AUTS2: variants seen among roughly 807,000 people sequenced by gnomAD.
AUTS2 encodes autism susceptibility gene 2 protein.
In AUTS2, 17 loss-of-function variants were observed where a neutral mutation model predicts 112.4. The observed-to-expected ratio is 0.15, with a 90% CI of 0.10 to 0.23. The LOEUF is 0.23. AUTS2 is among the 10% of genes least tolerant of loss of function. The pLI, the probability that AUTS2 is intolerant of heterozygous loss-of-function variation, is 1.00. For synonymous variants in AUTS2, 751 were observed against 702.7 expected, an observed-to-expected ratio of 1.07 and a Z score of -1.09; for missense variants, 1,510 against 1,701.6, an observed-to-expected ratio of 0.89 and a Z score of 1.98.
In AUTS2 at chr7:70,763,350, C is replaced by A. The variant is rs1563180797; in HGVS notation, c.1214+9C>A. The A allele has an allele frequency of 2.0e-6, 3 of 1,535,704 alleles. No individual in the cohort carries two copies. The highest frequency in any genetic ancestry group is 2.6e-6 in the Non-Finnish European group (3 of 1,138,854). ...AGCCTCAACAGTTTAAGGTGAGTGGCCTGCTCTTCTTTGGCCTGACTTTTG... is the reference window on the plus strand; with the variant it reads ...AGCCTCAACAGTTTAAGGTGAGTGGACTGCTCTTCTTTGGCCTGACTTTTG... On this transcript the variant is annotated intron_variant, in intron 7 of 18. Transcript: ENST00000342771.
chr7:70,318,566 AG>A (rs1385599390), intron 4 of AUTS2, among the ~76,000 whole-genome samples: 3 of 152,174 alleles, frequency 2.0e-5, no homozygotes, highest in African/African-American at 7.2e-5. Flanking sequence ...AGATTGGGTA[AG>A]TCTTTCAGAC....
intron 5 of AUTS2, among the ~76,000 whole-genome samples, chr7:70,629,339 G>A (rs377335994): frequency 2.6e-5 from 4 of 152,178 alleles, no homozygotes; most frequent in Admixed American, 1.3e-4. Context: ...AGGCGTGGTG[G>A]CAGGCATCTG....
chr7:70,468,700 G>A (rs768042384), intron 5 of AUTS2, among the ~76,000 whole-genome samples: 3 of 152,140 alleles, frequency 2.0e-5, no homozygotes, highest in South Asian at 2.1e-4. Context: ...TCCTAGACCC[G>A]GTCAGCATGG....
intron 5 of AUTS2, among the ~76,000 whole-genome samples, chr7:70,686,924 C>G (rs1808501697): frequency 6.6e-6 from 1 of 152,210 alleles, no homozygotes; most frequent in African/African-American, 2.4e-5. Flanking sequence ...TTCTTTTCCG[C>G]TGAACACATT....
At chr7:70,619,314 G>A (rs560138595) in intron 5 of AUTS2, among the ~76,000 whole-genome samples, 148 of 152,280 alleles carry the variant, frequency 9.7e-4, no homozygotes, top group African/African-American at 3.2e-3. Flanking sequence ...GACGGGGCGC[G>A]GGAGGATGCT....
chr7:70,323,377 G>A (rs1023858944), intron 4 of AUTS2, among the ~76,000 whole-genome samples: 5 of 152,166 alleles, frequency 3.3e-5, no homozygotes, highest in African/African-American at 1.2e-4. Context: ...TTGTGGCCCA[G>A]TGTACGCCTT....
chr7:70,127,132 G>A (rs921377207), intron 3 of AUTS2, among the ~76,000 whole-genome samples: 2 of 150,994 alleles, frequency 1.3e-5, no homozygotes, highest in African/African-American at 2.4e-5. Context: ...GGCCTTGTTC[G>A]CACTTTCAAA....
intron 2 of AUTS2, among the ~76,000 whole-genome samples, chr7:69,928,407 C>T (rs758523142): frequency 5.9e-5 from 9 of 152,198 alleles, no homozygotes; most frequent in African/African-American, 1.4e-4. Flanking sequence ...GCCTTGGGAC[C>T]TGTCTGCCTC....
intron 5 of AUTS2, among the ~76,000 whole-genome samples, chr7:70,460,745 G>A (rs887239813): frequency 5.9e-5 from 9 of 152,062 alleles, no homozygotes; most frequent in Admixed American, 5.2e-4. Context: ...AATTTACTTC[G>A]AATGTCTCTG....
At chr7:70,097,349 TG>T (rs1804259152) in intron 2 of AUTS2, among the ~76,000 whole-genome samples, 1 of 152,326 alleles carries the variant, frequency 6.6e-6, no homozygotes. Flanking sequence ...CTGCTCTTAC[TG>T]GTGGGTGACA....
At chr7:69,884,932 G>A (rs1223492649) in intron 1 of AUTS2, among the ~76,000 whole-genome samples, 2 of 152,168 alleles carry the variant, frequency 1.3e-5, no homozygotes. Context: ...GCACTTTTCT[G>A]TGTCTCTGAA....
intron 1 of AUTS2, among the ~76,000 whole-genome samples, chr7:69,760,028 A>G (rs1788111016): frequency 6.6e-6 from 1 of 151,478 alleles, no homozygotes; most frequent in Admixed American, 6.6e-5. Context: ...ATGAAAAACC[A>G]TTTTTTTCCA....
intron 1 of AUTS2, among the ~76,000 whole-genome samples, chr7:69,847,741 G>A (rs377143895): frequency 4.6e-5 from 7 of 152,302 alleles, no homozygotes; most frequent in East Asian, 1.9e-4. Context: ...ACACTTGAAC[G>A]TGAGAGCGAG....
chr7:70,693,566 C>T (rs774752219), intron 5 of AUTS2, among the ~76,000 whole-genome samples: 1 of 152,228 alleles, frequency 6.6e-6, no homozygotes, highest in Non-Finnish European at 1.5e-5. Context: ...ACCTTTGTGT[C>T]TGAGACCCAG....
chr7:69,786,567 T>C (rs1315371881), intron 1 of AUTS2, among the ~76,000 whole-genome samples: 2 of 152,216 alleles, frequency 1.3e-5, no homozygotes, highest in Admixed American at 1.3e-4. Flanking sequence ...ATCTTGCTGC[T>C]ACTCACTCTT....
chr7:70,676,440 A>AAGAGAG (rs144253423), intron 5 of AUTS2, among the ~76,000 whole-genome samples: 20 of 150,302 alleles, frequency 1.3e-4, no homozygotes, highest in African/African-American at 4.7e-4. Context: ...TCAAAAAATA[A>AAGAGAG]AGAGAGAGAG....
chr7:69,714,925 T>C (rs1584120279), intron 1 of AUTS2, among the ~76,000 whole-genome samples: 1 of 151,870 alleles, frequency 6.6e-6, no homozygotes, highest in East Asian at 1.9e-4. Flanking sequence ...ATATATTATG[T>C]TTACTCTTTT....
chr7:69,855,126 T>C (rs1046248239), intron 1 of AUTS2, among the ~76,000 whole-genome samples: 11 of 152,084 alleles, frequency 7.2e-5, no homozygotes, highest in African/African-American at 2.7e-4. Flanking sequence ...AAAGAAAGGG[T>C]CTTGTCTATA....
intron 1 of AUTS2, among the ~76,000 whole-genome samples, chr7:69,705,228 A>G (rs138725363): frequency 3.3e-5 from 5 of 152,232 alleles, no homozygotes; most frequent in African/African-American, 9.6e-5. Flanking sequence ...TTGGAAATGT[A>G]TAGGTGTTAG....
Sources: allele counts gnomAD v4.1 joint callset (sites outside exome capture counted in the v4.1 genomes callset), GRCh38; gene constraint gnomAD v4.1.1; transcripts MANE v1.5; gene names NCBI Gene and HGNC (gene_info 2026-07-23, HGNC 2026-07-21).